PAX5: variants seen among roughly 807,000 people sequenced by gnomAD.
PAX5 encodes paired box protein Pax-5.
Under a neutral mutation model 43.7 loss-of-function variants are expected in PAX5, and 9 were observed. That is an observed-to-expected ratio of 0.21 (90% CI 0.12 to 0.36). The LOEUF is 0.36. Among genes scored for constraint, PAX5 ranks in the 10% least tolerant of loss-of-function variants. The pLI, the probability that PAX5 is intolerant of heterozygous loss-of-function variation, is 1.00. For synonymous variants in PAX5, 228 were observed against 214.3 expected, an observed-to-expected ratio of 1.06 and a Z score of -0.56; for missense variants, 383 against 532.7, an observed-to-expected ratio of 0.72 and a Z score of 2.77.
rs148627461 is a variant in PAX5 at position 36,863,698 on chromosome 9, A to G, written c.1013-16769T>C. On this transcript the variant is annotated intron_variant, in intron 8 of 9. Coordinates refer to ENST00000358127, the MANE Select transcript of PAX5 (RefSeq NM_016734.3). The stretch of plus-strand genomic sequence containing the variant: ...TGGGCAAGTTACTCTGTGCAAGCCG[A>G]TGCCTCCACTTCCTACTCTGTGAAA... 2.9e-3 allele frequency among the ~76,000 whole-genome samples: 443 copies of G among 151,930 alleles called. 3 individuals carry two copies. Among genetic ancestry groups the G allele is most frequent in the African/African-American group, 0.01 (426 of 41,318 alleles).
chr9:36,897,656 G>T (rs1260488820), intron 7 of PAX5, among the ~76,000 whole-genome samples: 1 of 152,216 alleles, frequency 6.6e-6, no homozygotes, highest in Non-Finnish European at 1.5e-5. Context: ...CCTGGACCCA[G>T]CATGGATCCT....
At chr9:36,867,503 G>T (rs1244156420) in intron 8 of PAX5, among the ~76,000 whole-genome samples, 4 of 151,934 alleles carry the variant, frequency 2.6e-5, no homozygotes, top group African/African-American at 9.7e-5. Flanking sequence ...AATTATACAT[G>T]AAAGGGGCAC....
intron 1 of PAX5, among the ~76,000 whole-genome samples, chr9:37,022,546 A>T (rs533480372): frequency 1.5e-4 from 23 of 152,352 alleles, no homozygotes; most frequent in Non-Finnish European, 2.8e-4. Flanking sequence ...CACACTTTTG[A>T]TATGACCTGG....
chr9:36,922,409 C>T (rs1325501961), intron 7 of PAX5, among the ~76,000 whole-genome samples: 3 of 152,212 alleles, frequency 2.0e-5, no homozygotes, highest in African/African-American at 4.8e-5. Flanking sequence ...GTGCAGTACC[C>T]GAGCGGGCCT....
intron 7 of PAX5, among the ~76,000 whole-genome samples, chr9:36,889,930 A>G (rs1827226142): frequency 1.9e-5 from 2 of 103,180 alleles, no homozygotes; most frequent in African/African-American, 8.5e-5. Context: ...GGCTCTCTCT[A>G]TGTACACTAA....
rs896346949 is a variant in PAX5 at position 36,837,763 on chromosome 9, G to A, written c.*2797C>T. The A allele has an allele frequency of 1.3e-5, 3 of 233,436 alleles. No homozygotes were observed. The highest frequency in any genetic ancestry group is 1.1e-4 in the Admixed American group (2 of 17,806). The allele number at this position is 233,436 out of a possible 1,614,324, so 14.5% of individuals were successfully genotyped here. A position where few individuals can be genotyped will look rare whatever the true frequency, so the allele number is the denominator to read the frequency against. On this transcript the variant is annotated 3_prime_UTR_variant, in exon 10 of 10. Coordinates refer to ENST00000358127, the MANE Select transcript of PAX5 (RefSeq NM_016734.3). ...AATCTGAGGACCAGCAAAGCCTCAG[G>A]TGAGGGAGGAAAGGTATGGGGGGAG...
At chr9:36,878,822 T>C (rs772531818) in intron 8 of PAX5, among the ~76,000 whole-genome samples, 18 of 152,186 alleles carry the variant, frequency 1.2e-4, no homozygotes, top group Admixed American at 2.0e-4. Context: ...TGTTTGGCCA[T>C]TGAGAAACAG....
chr9:36,907,062 G>A (rs1490110516), intron 7 of PAX5, among the ~76,000 whole-genome samples: 2 of 152,104 alleles, frequency 1.3e-5, no homozygotes, highest in African/African-American at 4.8e-5. Flanking sequence ...GAGCGGAAAA[G>A]GGCTCTGCTT....
intron 8 of PAX5, among the ~76,000 whole-genome samples, chr9:36,851,587 G>A (rs906718167): frequency 6.6e-6 from 1 of 152,182 alleles, no homozygotes; most frequent in Non-Finnish European, 1.5e-5. Context: ...GGAGAACATA[G>A]GATTTTCCCA....
intron 8 of PAX5, among the ~76,000 whole-genome samples, chr9:36,876,531 G>A (rs1263408417): frequency 6.6e-6 from 1 of 152,202 alleles, no homozygotes; most frequent in Non-Finnish European, 1.5e-5. Flanking sequence ...AATTTCAAAT[G>A]CCATGTCGAT....
At chr9:36,931,586 C>T (rs1350354472) in intron 6 of PAX5, among the ~76,000 whole-genome samples, 2 of 152,246 alleles carry the variant, frequency 1.3e-5, no homozygotes, top group East Asian at 1.9e-4. Context: ...CGGTGGCTCA[C>T]GCCTGTAATT....
chr9:36,939,609 T>A (rs2132051213), intron 6 of PAX5, among the ~76,000 whole-genome samples: 1 of 152,308 alleles, frequency 6.6e-6, no homozygotes, highest in South Asian at 2.1e-4. Context: ...CATGTAAATG[T>A]CGGAAAATAG....
At position 36,946,435 on chromosome 9, in the gene PAX5, C is replaced by T. The variant is rs10120374; in HGVS notation, c.780+20114G>A. On this transcript the variant is annotated intron_variant, in intron 6 of 9. Coordinates refer to ENST00000358127, the MANE Select transcript of PAX5 (RefSeq NM_016734.3). The stretch of plus-strand genomic sequence containing the variant: ...TGTAGTGCTGGAAAATAAGATTCCC[C>T]ACAACCAGCCAAAACCTGGGCCACA... 7.9e-3 allele frequency among the ~76,000 whole-genome samples: 1,209 copies of T among 152,234 alleles called. 13 individuals are homozygous for T. Among genetic ancestry groups the T allele is most frequent in the African/African-American group, 0.028 (1,148 of 41,536 alleles).
chr9:36,870,495 T>A (rs1382413008), intron 8 of PAX5, among the ~76,000 whole-genome samples: 1 of 152,264 alleles, frequency 6.6e-6, no homozygotes, highest in Non-Finnish European at 1.5e-5. Context: ...TAAAAATGGT[T>A]TTTAAATGTA....
rs528158465 is a variant in PAX5, at chr9:36,840,610, C to A, written c.1126G>T (p.Ala376Ser). 1 of 1,578,894 alleles carries A rather than the reference C, an allele frequency of 6.3e-7. No individual in the cohort carries two copies. The highest frequency in any genetic ancestry group is 2.3e-5 in the East Asian group (1 of 43,678). ...LGSPYYYSAAARGAAPPAAAT... is the reference protein window; with the variant it reads ...LGSPYYYSAASRGAAPPAAAT... ...GCTGCAGGTGGGGCGGCTCCTCGGGCGGCAGCGCTATAATAGTAGGGGGAG... is the reference window on the plus strand; with the variant it reads ...GCTGCAGGTGGGGCGGCTCCTCGGGAGGCAGCGCTATAATAGTAGGGGGAG... Residue 376 changes from alanine (A) to serine (S), a missense_variant, in exon 10 of 10, where the codon GCC becomes TCC. This residue lies in a region of PAX5 where 291 missense variants were observed against 342.5 expected (regional missense o/e 0.85). Transcript: ENST00000358127.
chr9:36,944,237 C>T (rs939109881), intron 6 of PAX5, among the ~76,000 whole-genome samples: 1 of 152,148 alleles, frequency 6.6e-6, no homozygotes, highest in Admixed American at 6.5e-5. Flanking sequence ...ACAACAAACA[C>T]ATGGGGCACG....
intron 5 of PAX5, among the ~76,000 whole-genome samples, chr9:36,981,191 C>CT (rs916650225): frequency 6.7e-6 from 1 of 149,332 alleles, no homozygotes; most frequent in Admixed American, 6.7e-5. Context: ...CAAAGCCCCC[C>CT]CCCCCTCAGC....
intron 5 of PAX5, among the ~76,000 whole-genome samples, chr9:36,995,393 A>C (rs937826249): frequency 3.5e-4 from 53 of 152,286 alleles, no homozygotes; most frequent in African/African-American, 1.2e-3. Context: ...GACTGGAGGC[A>C]CAGGAGGAAT....
At chr9:36,943,463 C>G (rs1314602498) in intron 6 of PAX5, among the ~76,000 whole-genome samples, 1 of 150,904 alleles carries the variant, frequency 6.6e-6, no homozygotes, top group Non-Finnish European at 1.5e-5. Flanking sequence ...TACAATAAAG[C>G]TGATCTTACT....
Sources: allele counts gnomAD v4.1 joint callset (sites outside exome capture counted in the v4.1 genomes callset), GRCh38; gene constraint gnomAD v4.1.1; regional missense constraint gnomAD v4.1.1; transcripts MANE v1.5; gene names NCBI Gene and HGNC (gene_info 2026-07-23, HGNC 2026-07-21).